Variants in DDX43 observed in about 807,000 individuals in gnomAD.
DDX43 encodes probable ATP-dependent RNA helicase DDX43.
Under a neutral mutation model 84.9 loss-of-function variants are expected in DDX43, and 50 were observed. The ratio of observed to expected loss-of-function variants is 0.59; its 90% CI spans 0.47 to 0.75. The LOEUF is 0.75. Among genes scored for constraint, DDX43 ranks in the 30% least tolerant of loss-of-function variants. The pLI is 0.00. For synonymous variants in DDX43, 291 were observed against 266.3 expected (o/e 1.09, Z -0.90); for missense variants, 689 against 798.6 (o/e 0.86, Z 1.65).
chr6:73,414,411 CA>C (rs1769864080), intron 13 of DDX43, 136 bp from the exon 14 acceptor site: 2 of 825,988 alleles, frequency 2.4e-6, no homozygotes, highest in Non-Finnish European at 3.7e-6. Flanking sequence ...GTTACTTTTC[CA>C]TTTTCACAAA....
chr6:73,405,656 CT>C, intron 5 of DDX43, 22 bp from the exon 6 acceptor site: 2 of 1,609,672 alleles, frequency 1.2e-6, no homozygotes, highest in African/African-American at 2.7e-5. Context: ...AGGAAAGCCA[CT>C]GATGTTTTTT....
In DDX43 at chr6:73,406,361, C is replaced by T. The variant is rs1313180898; in HGVS notation, c.808-3C>T. The T allele has an allele frequency of 4.4e-6, 7 of 1,589,288 alleles. No homozygotes were observed. In the South Asian group the frequency reaches 7.8e-5, roughly 18 times the overall value. ...TGTGTTAATGTTTATCATTCCGTTT[C>T]AGTCACAGGCATGGCCCATTGTGTT... On this transcript the variant is annotated splice_region_variant and splice_polypyrimidine_tract_variant and intron_variant, in intron 6 of 16. Coordinates refer to ENST00000370336, the MANE Select transcript of DDX43 (RefSeq NM_018665.3).
At chr6:73,414,977 T>C (rs1769873923) in intron 14 of DDX43, among the ~76,000 whole-genome samples, 1 of 152,058 alleles carries the variant, frequency 6.6e-6, no homozygotes, top group Admixed American at 6.6e-5. Flanking sequence ...TTGGTATGGA[T>C]ATGAGACGAC....
At position 73,395,157 on chromosome 6, in the gene DDX43, T is replaced by C. The variant is rs1467617308; in HGVS notation, c.250+2T>C. On this transcript the variant is annotated splice_donor_variant, in intron 1 of 16. Transcript: ENST00000370336. LOFTEE classifies it high-confidence loss of function. ...GCCACTTTGTTGGCGCGGTAATCGG[T>C]GAGAATGGGAGTGGCTGGCAGGGCA... The C allele has an allele frequency of 4.4e-6, 7 of 1,607,664 alleles. No homozygotes were observed. The highest frequency in any genetic ancestry group is 5.9e-6 in the Non-Finnish European group (7 of 1,177,222).
intron 11 of DDX43, among the ~76,000 whole-genome samples, chr6:73,412,939 G>A (rs1769832262): frequency 6.6e-6 from 1 of 152,126 alleles, no homozygotes; most frequent in South Asian, 2.1e-4. Flanking sequence ...ATGTTGGCCA[G>A]GCTGGTCTCA....
chr6:73,412,298 C>T lies in DDX43; in HGVS notation c.1368+6C>T. 2 of 1,598,274 alleles carry T rather than the reference C, an allele frequency of 1.3e-6. No individual in the cohort carries two copies. The highest frequency in any genetic ancestry group is 1.7e-6 in the Non-Finnish European group (2 of 1,172,984). On this transcript the variant is annotated splice_donor_region_variant and intron_variant, in intron 11 of 16. Coordinates refer to ENST00000370336, the MANE Select transcript of DDX43 (RefSeq NM_018665.3). ...TTGGTACATTGGATCTAGTTGTAAG[C>T]TTTTTTTTATTACTATTGTTTAACA...
rs145116288 is a variant in DDX43 at position 73,401,960 on chromosome 6, G to C, written c.538G>C (p.Gly180Arg). The change falls in exon 4 of 17, where the codon GGT becomes CGT. Residue 180 changes from glycine (G) to arginine (R), a missense_variant. Physicochemically the swap from Gly to Arg is moderately radical, Grantham distance 125. This residue lies in a region of DDX43 where 552 missense variants were observed against 692.7 expected (regional missense o/e 0.80). Coordinates refer to ENST00000370336, the MANE Select transcript of DDX43 (RefSeq NM_018665.3). Reference sequence around the variant, plus strand: ...AGATTGGGATCAAATTAGAGAGGAAGGTTTGAAATGGCAAAAAACAAAGTG... The same window carrying C: ...AGATTGGGATCAAATTAGAGAGGAACGTTTGAAATGGCAAAAAACAAAGTG... Reference protein sequence around the residue: ...LIDWDQIREEGLKWQKTKWAD... With the variant: ...LIDWDQIREERLKWQKTKWAD... The C allele has an allele frequency of 8.6e-5, 139 of 1,613,850 alleles. No individual in the cohort carries two copies. The highest frequency in any genetic ancestry group is 1.1e-4 in the Non-Finnish European group (132 of 1,179,996).
At chr6:73,416,403 C>T (rs1769900788) in intron 16 of DDX43, among the ~76,000 whole-genome samples, 152 bp downstream of exon 16, 1 of 152,100 alleles carries the variant, frequency 6.6e-6, no homozygotes, top group South Asian at 2.1e-4. Flanking sequence ...TCTGGGTATA[C>T]ATGGAAAAGA....
rs1488732162 is a variant in DDX43, at chr6:73,406,485, A to T, written c.926+3A>T. 3.8e-6 allele frequency: 6 copies of T among 1,569,294 alleles called. No homozygotes were observed. Among genetic ancestry groups the T allele is most frequent in the Non-Finnish European group, 5.3e-6 (6 of 1,140,474 alleles). On this transcript the variant is annotated splice_donor_region_variant and intron_variant, in intron 7 of 16. Transcript: ENST00000370336. ...ATTCATCTGGTCCTTCAACCCAGGT[A>T]AGAATTCCTATGGCTGGTTTCTTCT...
At chr6:73,415,158 C>T (rs578103845) in intron 14 of DDX43, among the ~76,000 whole-genome samples, 48 of 151,874 alleles carry the variant, frequency 3.2e-4, no homozygotes, top group Non-Finnish European at 5.3e-4. Flanking sequence ...TTGACCTGGG[C>T]GTGGTGGCGG....
At position 73,414,683 on chromosome 6, in the gene DDX43, C is replaced by T; in HGVS notation, c.1742C>T (p.Ala581Val). 1 of 1,610,616 alleles carries T rather than the reference C, an allele frequency of 6.2e-7. No individual in the cohort carries two copies. The stretch of plus-strand genomic sequence containing the variant: ...CACCGAATAGGGCGCACGGGAAGAG[C>T]AGGGTAAGTAAGCTTAGTCCACCCA... ...YVHRIGRTGR[A>V]GRTGVSITTL... The change falls in exon 14 of 17, where the codon GCA becomes GTA. Residue 581 changes from alanine to valine, a missense_variant. By Grantham distance (64) the Ala-to-Val change is moderately conservative (BLOSUM62 0). Coordinates refer to ENST00000370336, the MANE Select transcript of DDX43 (RefSeq NM_018665.3).
At chr6:73,401,665 T>TG (rs892283157) in intron 3 of DDX43, among the ~76,000 whole-genome samples, 194 bp from the exon 4 acceptor site, 2 of 151,876 alleles carry the variant, frequency 1.3e-5, no homozygotes, top group Admixed American at 6.6e-5. Context: ...AGCTGGGCGT[T>TG]GCGGCGTGTG....
rs1165557179 is a variant in DDX43, at chr6:73,409,342, T to C, written c.1274T>C (p.Met425Thr). ...GTGCGCCCAGATAGGCAGACAGTTA[T>C]GACCAGGTACGTATATGCTTAATTA... ...LDVRPDRQTV[M>T]TSATWPHSVH... is the part of the protein sequence containing the mutation. The change falls in exon 10 of 17, where the codon ATG becomes ACG. Residue 425 changes from methionine to threonine, a missense_variant. By Grantham distance (81) the Met-to-Thr change is moderately conservative. Transcript: ENST00000370336. The C allele has an allele frequency of 1.2e-6, 2 of 1,612,506 alleles. No homozygotes were observed. Among genetic ancestry groups the C allele is most frequent in the Non-Finnish European group, 1.7e-6 (2 of 1,178,536 alleles).
chr6:73,400,433 C>A, intron 3 of DDX43, 70 bp downstream of exon 3: 1 of 1,349,476 alleles, frequency 7.4e-7, no homozygotes, highest in Non-Finnish European at 9.9e-7. Flanking sequence ...AGCCATTATA[C>A]CTGATTTCAC....
At chr6:73,405,262 G>A (rs1769654940) in intron 5 of DDX43, among the ~76,000 whole-genome samples, 2 of 152,224 alleles carry the variant, frequency 1.3e-5, no homozygotes, top group African/African-American at 2.4e-5. Context: ...TGGTTAAGGT[G>A]AGGAGCAGGG....
chr6:73,400,426 C>T (rs1769545065), intron 3 of DDX43, 63 bp downstream of exon 3: 13 of 1,392,414 alleles, frequency 9.3e-6, no homozygotes, highest in South Asian at 4.6e-5. Context: ...TGTTATAAGC[C>T]ATTATACCTG....
At chr6:73,408,913 A>G (rs1251501373) in intron 9 of DDX43, among the ~76,000 whole-genome samples, 1 of 152,212 alleles carries the variant, frequency 6.6e-6, no homozygotes, top group Non-Finnish European at 1.5e-5. Flanking sequence ...TAGCATGTTG[A>G]AAGAATTAAG....
chr6:73,401,661 G>C (rs1032071937), intron 3 of DDX43, among the ~76,000 whole-genome samples, 198 bp from the exon 4 acceptor site: 3 of 152,050 alleles, frequency 2.0e-5, no homozygotes, highest in Admixed American at 2.0e-4. Flanking sequence ...AATTAGCTGG[G>C]CGTTGCGGCG....
At chr6:73,397,638 A>C (rs762542430) in intron 1 of DDX43, 51 bp from the exon 2 acceptor site, 23 of 1,452,540 alleles carry the variant, frequency 1.6e-5, no homozygotes, top group Non-Finnish European at 1.3e-5. Context: ...GTAAATTTTC[A>C]ACTTACTAAT....
Sources: allele counts gnomAD v4.1 joint callset (sites outside exome capture counted in the v4.1 genomes callset), GRCh38; gene constraint gnomAD v4.1.1; regional missense constraint gnomAD v4.1.1; transcripts MANE v1.5; gene names NCBI Gene and HGNC (gene_info 2026-07-23, HGNC 2026-07-21).